The following PCDH15 variants were observed in gnomAD, a reference collection of about 807,000 sequenced individuals.
PCDH15 encodes the protein protocadherin related 15, also known as protocadherin-15.
A neutral mutation model predicts 178.5 loss-of-function variants in PCDH15; 129 were observed. That is an observed-to-expected ratio of 0.72 (90% CI 0.63 to 0.84). The LOEUF (loss-of-function observed/expected upper bound fraction) is 0.84, where lower values mean the gene tolerates loss of function less well. PCDH15 is among the 40% of genes least tolerant of loss of function. The pLI is 0.00. For missense variants in PCDH15, 2,230 were observed against 2,099.9 expected (o/e 1.06, Z -1.21); for synonymous variants, 800 against 732.0 (o/e 1.09, Z -1.50).
intron 2 of PCDH15, among the ~76,000 whole-genome samples, chr10:55,490,686 C>A (rs1840391699): frequency 6.6e-6 from 1 of 151,630 alleles, no homozygotes; most frequent in Admixed American, 6.6e-5. Context: ...ATGTCTAATT[C>A]TATTGTCTAG....
At chr10:54,508,398 G>A (rs911013341) in intron 3 of PCDH15, among the ~76,000 whole-genome samples, 2 of 151,930 alleles carry the variant, frequency 1.3e-5, no homozygotes, top group South Asian at 4.1e-4. Context: ...TACTACAGAT[G>A]CTCTTTGACT....
intron 3 of PCDH15, among the ~76,000 whole-genome samples, chr10:54,421,242 A>C (rs1206886630): frequency 6.6e-6 from 1 of 151,848 alleles, no homozygotes; most frequent in African/African-American, 2.4e-5. Flanking sequence ...AAAAAAGCTA[A>C]AATGTCATGA....
chr10:54,791,560 A>G (rs1951411824), intron 1 of PCDH15, among the ~76,000 whole-genome samples: 1 of 151,920 alleles, frequency 6.6e-6, no homozygotes, highest in South Asian at 2.1e-4. Context: ...TCTAATTTGT[A>G]TGCATTATAC....
chr10:54,925,420 A>AT (rs1282784060), intron 2 of PCDH15, among the ~76,000 whole-genome samples: 1 of 69,302 alleles, frequency 1.4e-5, no homozygotes, highest in Non-Finnish European at 2.9e-5. Context: ...TTCCTTGGCT[A>AT]TTCAGGCGTT....
intron 2 of PCDH15, among the ~76,000 whole-genome samples, chr10:55,494,232 T>C (rs1466800597): frequency 1.3e-5 from 2 of 151,842 alleles, no homozygotes; most frequent in African/African-American, 4.8e-5. Flanking sequence ...TCAACTACTA[T>C]TATTGAATAA....
chr10:54,412,524 C>T (rs952250899), intron 3 of PCDH15, among the ~76,000 whole-genome samples: 3 of 152,050 alleles, frequency 2.0e-5, no homozygotes, highest in Non-Finnish European at 4.4e-5. Flanking sequence ...GGACATACAC[C>T]GAAGTTAGTT....
chr10:55,556,137 T>TA (rs765001346), intron 2 of PCDH15, among the ~76,000 whole-genome samples: 14 of 152,174 alleles, frequency 9.2e-5, no homozygotes, highest in Non-Finnish European at 2.1e-4. Context: ...TGTTTATAAT[T>TA]ACACCATAAT....
chr10:54,972,710 G>A (rs568728780), intron 2 of PCDH15, among the ~76,000 whole-genome samples: 7 of 151,126 alleles, frequency 4.6e-5, no homozygotes, highest in African/African-American at 1.2e-4. Context: ...TTAGCCAGGC[G>A]TGGTGGCACG....
chr10:55,112,796 C>G (rs1446460374), intron 2 of PCDH15, among the ~76,000 whole-genome samples: 1 of 152,156 alleles, frequency 6.6e-6, no homozygotes, highest in Non-Finnish European at 1.5e-5. Context: ...AAGCAACACA[C>G]TTATCAATCA....
intron 2 of PCDH15, among the ~76,000 whole-genome samples, chr10:55,538,360 C>T (rs1344704634): frequency 1.3e-5 from 2 of 152,094 alleles, no homozygotes; most frequent in African/African-American, 4.8e-5. Context: ...GTTCATGTTA[C>T]GAATAGGAAA....
At chr10:54,438,381 T>C (rs1424946249) in intron 3 of PCDH15, among the ~76,000 whole-genome samples, 1 of 151,594 alleles carries the variant, frequency 6.6e-6, no homozygotes, top group Non-Finnish European at 1.5e-5. Context: ...TGTAACTCTG[T>C]GCTACCTATT....
At chr10:54,826,843 T>C (rs1953140120) in intron 3 of PCDH15, among the ~76,000 whole-genome samples, 1 of 152,104 alleles carries the variant, frequency 6.6e-6, no homozygotes, top group Admixed American at 6.6e-5. Flanking sequence ...TATTACTAAC[T>C]ACTATTCCCT....
chr10:54,825,547 C>A (rs1020688372), intron 3 of PCDH15, among the ~76,000 whole-genome samples: 40 of 147,072 alleles, frequency 2.7e-4, no homozygotes, highest in African/African-American at 9.9e-4. Flanking sequence ...TGTTTCCTGA[C>A]TTTTTAATGA....
intron 25 of PCDH15, among the ~76,000 whole-genome samples, chr10:53,918,631 G>T (rs1348785148): frequency 2.0e-5 from 3 of 151,932 alleles, no homozygotes; most frequent in African/African-American, 7.3e-5. Context: ...TGAAGGAAGA[G>T]AAAAAAATGC....
chr10:55,530,318 T>G (rs1014257414), intron 2 of PCDH15, among the ~76,000 whole-genome samples: 4 of 151,832 alleles, frequency 2.6e-5, no homozygotes, highest in Non-Finnish European at 5.9e-5. Flanking sequence ...TTTAGCTCAG[T>G]TGGAAGTCCT....
intron 13 of PCDH15, among the ~76,000 whole-genome samples, chr10:54,173,048 T>G (rs1306675599): frequency 6.6e-6 from 1 of 152,184 alleles, no homozygotes; most frequent in Admixed American, 6.5e-5. Context: ...CAAGGAATTG[T>G]GATTACTATA....
intron 7 of PCDH15, among the ~76,000 whole-genome samples, chr10:54,319,710 C>T (rs1160864689): frequency 7.1e-6 from 1 of 140,260 alleles, no homozygotes; most frequent in Non-Finnish European, 1.5e-5. Flanking sequence ...TACTAACAGA[C>T]CTGTATTTTT....
rs372252786 is a variant in PCDH15, at chr10:55,293,612, C to T, written c.-156+25987G>A. 2.8e-4 allele frequency among the ~76,000 whole-genome samples: 43 copies of T among 152,174 alleles called. 1 individual carries two copies. The highest frequency in any genetic ancestry group is 3.2e-3 in the Middle Eastern group (1 of 316). ...TTAGAAATTTCTTCAACCAGATACC[C>T]TAAATCATCTCTCTCAGGTTCAAAG... is the stretch of plus-strand genomic sequence containing the variant. On this transcript the variant is annotated intron_variant, in intron 1 of 5. Coordinates refer to the PCDH15 transcript ENST00000458638.
chr10:55,111,780 G>T (rs1252377919), intron 2 of PCDH15, among the ~76,000 whole-genome samples: 2 of 151,990 alleles, frequency 1.3e-5, no homozygotes, highest in Non-Finnish European at 2.9e-5. Flanking sequence ...GAGGCAGAGG[G>T]TGCAGTGAGC....
Sources: allele counts gnomAD v4.1 joint callset (sites outside exome capture counted in the v4.1 genomes callset), GRCh38; gene constraint gnomAD v4.1.1; transcripts MANE v1.5; gene names NCBI Gene and HGNC (gene_info 2026-07-23, HGNC 2026-07-21).